The following ADGRB3 variants were observed in gnomAD, a reference collection of about 807,000 sequenced individuals.
The protein encoded by ADGRB3 is adhesion G protein-coupled receptor B3, also known as brain-specific angiogenesis inhibitor 3.
A neutral mutation model predicts 193.4 loss-of-function variants in ADGRB3; 37 were observed. The observed-to-expected ratio is 0.19, with a 90% CI of 0.15 to 0.25. The LOEUF (loss-of-function observed/expected upper bound fraction) is 0.25. Ranked by LOEUF, ADGRB3 falls within the 10% of genes least tolerant of loss-of-function variation. The pLI, the probability that ADGRB3 is intolerant of heterozygous loss-of-function variation, is 1.00. For synonymous variants in ADGRB3, 690 were observed against 644.2 expected, an observed-to-expected ratio of 1.07 and a Z score of -1.08; for missense variants, 1,637 against 1,852.9, an observed-to-expected ratio of 0.88 and a Z score of 2.14.
intron 3 of ADGRB3, among the ~76,000 whole-genome samples, chr6:68,759,734 G>A (rs1766360835): frequency 6.6e-6 from 1 of 151,868 alleles, no homozygotes; most frequent in African/African-American, 2.4e-5. Context: ...TATTTCTTGT[G>A]TTAATGAAAA....
chr6:68,928,604 AT>A (rs768450622), intron 3 of ADGRB3, among the ~76,000 whole-genome samples: 11 of 152,144 alleles, frequency 7.2e-5, no homozygotes, highest in Non-Finnish European at 1.3e-4. Context: ...TAGAAGAGAG[AT>A]TTCAGCCTAT....
chr6:68,706,070 G>A (rs1432458554), intron 3 of ADGRB3, among the ~76,000 whole-genome samples: 1 of 152,156 alleles, frequency 6.6e-6, no homozygotes. Context: ...GCTAAAATTA[G>A]ATGATGCAAA....
At chr6:68,851,346 T>C (rs1768398170) in intron 3 of ADGRB3, among the ~76,000 whole-genome samples, 1 of 151,910 alleles carries the variant, frequency 6.6e-6, no homozygotes. Context: ...CTGTTGGTAA[T>C]ATTTTTCTTT....
chr6:69,182,428 G>C (rs1775610589), intron 17 of ADGRB3, among the ~76,000 whole-genome samples: 2 of 150,772 alleles, frequency 1.3e-5, no homozygotes, highest in Admixed American at 6.6e-5. Context: ...AAAACAGAAG[G>C]CTAGTTAAGG....
chr6:69,005,870 A>G (rs1472308757), intron 11 of ADGRB3, among the ~76,000 whole-genome samples: 1 of 152,060 alleles, frequency 6.6e-6, no homozygotes, highest in Non-Finnish European at 1.5e-5. Flanking sequence ...TATTCTTCTT[A>G]TGCCTTGGTT....
intron 20 of ADGRB3, among the ~76,000 whole-genome samples, chr6:69,320,583 T>C (rs911140852): frequency 5.9e-5 from 9 of 151,656 alleles, no homozygotes; most frequent in Non-Finnish European, 1.2e-4. Flanking sequence ...TATGCCTCTC[T>C]CTTGAACAGT....
intron 13 of ADGRB3, among the ~76,000 whole-genome samples, chr6:69,045,840 T>A (rs1339599686): frequency 6.6e-6 from 1 of 152,180 alleles, no homozygotes; most frequent in Non-Finnish European, 1.5e-5. Flanking sequence ...AACTATGCAA[T>A]TTAAGGGACT....
At chr6:68,861,117 T>C (rs969241941) in intron 3 of ADGRB3, among the ~76,000 whole-genome samples, 1 of 152,192 alleles carries the variant, frequency 6.6e-6, no homozygotes, top group Non-Finnish European at 1.5e-5. Flanking sequence ...AGAACCACTG[T>C]GCTAGTCATT....
In ADGRB3 at chr6:69,065,315, G is replaced by A. The variant is rs181569151; in HGVS notation, c.2436+2279G>A. ...CGCTCTTGTTTGGAATCTGCCCGCC[G>A]TGCACATCGTGCCTCTTCTCAGAGG... On this transcript the variant is annotated intron_variant, in intron 16 of 31. Transcript: ENST00000370598. Among the ~76,000 whole-genome samples, 214 of 152,228 alleles carry A rather than the reference G, an allele frequency of 1.4e-3. 1 individual carries two copies. Among genetic ancestry groups the A allele is most frequent in the African/African-American group, 4.4e-3 (184 of 41,556 alleles).
chr6:68,914,705 G>A (rs1007020579), intron 3 of ADGRB3, among the ~76,000 whole-genome samples: 1 of 152,132 alleles, frequency 6.6e-6, no homozygotes, highest in Non-Finnish European at 1.5e-5. Context: ...TTCCATAAAA[G>A]AAATTTTGGT....
At chr6:68,953,208 T>C (rs1004262322) in intron 6 of ADGRB3, among the ~76,000 whole-genome samples, 1 of 152,148 alleles carries the variant, frequency 6.6e-6, no homozygotes, top group African/African-American at 2.4e-5. Context: ...AGAAAACATA[T>C]AACTATTGCA....
intron 3 of ADGRB3, among the ~76,000 whole-genome samples, chr6:68,743,995 T>A (rs1404107349): frequency 1.3e-5 from 2 of 152,010 alleles, no homozygotes; most frequent in Non-Finnish European, 2.9e-5. Flanking sequence ...TGTATATATG[T>A]ATATATATTT....
chr6:68,855,223 G>T (rs1764945222), intron 3 of ADGRB3, among the ~76,000 whole-genome samples: 1 of 152,202 alleles, frequency 6.6e-6, no homozygotes, highest in Admixed American at 6.5e-5. Flanking sequence ...TACAGCAATG[G>T]TGATTGTTTC....
At chr6:69,384,976 G>T (rs1223480736) in intron 31 of ADGRB3, among the ~76,000 whole-genome samples, 33 of 127,680 alleles carry the variant, frequency 2.6e-4, no homozygotes, top group African/African-American at 8.3e-4. Context: ...TTTTTTTTCC[G>T]GGCTGCTGAC....
intron 3 of ADGRB3, among the ~76,000 whole-genome samples, chr6:68,867,120 T>C (rs1765317289): frequency 6.6e-6 from 1 of 152,196 alleles, no homozygotes; most frequent in South Asian, 2.1e-4. Flanking sequence ...CTCCAGGGCA[T>C]TTCAGAGCTC....
intron 3 of ADGRB3, among the ~76,000 whole-genome samples, chr6:68,793,553 G>A (rs896162989): frequency 2.0e-5 from 3 of 151,828 alleles, no homozygotes; most frequent in Non-Finnish European, 2.9e-5. Flanking sequence ...TTTTTAAGAC[G>A]AGTCTCACTT....
chr6:68,895,295 C>G (rs1766188905), intron 3 of ADGRB3, among the ~76,000 whole-genome samples: 1 of 151,174 alleles, frequency 6.6e-6, no homozygotes, highest in Admixed American at 6.6e-5. Context: ...GTCACACTGA[C>G]TTGAAATATA....
chr6:68,839,039 CTCTT>C (rs1768098241), intron 3 of ADGRB3, among the ~76,000 whole-genome samples: 2 of 151,156 alleles, frequency 1.3e-5, no homozygotes, highest in Admixed American at 6.6e-5. Flanking sequence ...CTCTCTATCT[CTCTT>C]TCTCTCTCTC....
chr6:69,187,950 A>C (rs773993228), intron 17 of ADGRB3, among the ~76,000 whole-genome samples: 35 of 152,188 alleles, frequency 2.3e-4, no homozygotes, highest in Non-Finnish European at 4.6e-4. Context: ...GGTCATTCTG[A>C]AAGTAAATCA....
Sources: gnomAD v4.1 joint callset for allele counts (sites outside exome capture counted in the v4.1 genomes callset) on GRCh38, gnomAD v4.1.1 for gene constraint, MANE v1.5 for transcripts, NCBI Gene and HGNC (gene_info 2026-07-23, HGNC 2026-07-21) for gene names.